Variants in LSP1 observed in about 807,000 individuals in gnomAD.
LSP1 encodes lymphocyte specific protein 1, also known as lymphocyte-specific protein 1.
In LSP1, 32 loss-of-function variants were observed where a neutral mutation model predicts 49.3. The ratio of observed to expected loss-of-function variants is 0.65; its 90% CI spans 0.49 to 0.87. The LOEUF is 0.87. Ranked by LOEUF, LSP1 falls within the 40% of genes least tolerant of loss-of-function variation. LSP1 has a pLI of 0.00. For missense variants in LSP1, 428 were observed against 442.6 expected (o/e 0.97, Z 0.30); for synonymous variants, 179 against 178.8 (o/e 1.00, Z -0.01).
intron 1 of LSP1, among the ~76,000 whole-genome samples, chr11:1,872,568 G>A (rs1281866877): frequency 7.1e-6 from 1 of 140,046 alleles, no homozygotes; most frequent in African/African-American, 2.7e-5. Flanking sequence ...GGCTGGCGTG[G>A]GCACTTTTGG....
chr11:1,888,050 C>T (rs556946917), intron 10 of LSP1, among the ~76,000 whole-genome samples: 1 of 152,294 alleles, frequency 6.6e-6, no homozygotes, highest in South Asian at 2.1e-4. Flanking sequence ...CTCCCCATCC[C>T]ATGCTGCAGA....
At chr11:1,864,547 C>T (rs1424311610) in intron 1 of LSP1, among the ~76,000 whole-genome samples, 1 of 151,972 alleles carries the variant, frequency 6.6e-6, no homozygotes, top group African/African-American at 2.4e-5. Flanking sequence ...TGGCTGAGCC[C>T]CACGCTGCTG....
chr11:1,875,736 T>C (rs1156477095), intron 1 of LSP1, among the ~76,000 whole-genome samples: 1 of 152,170 alleles, frequency 6.6e-6, no homozygotes, highest in Non-Finnish European at 1.5e-5. Flanking sequence ...GGGGGGAGGC[T>C]GGGCCAGCAC....
chr11:1,877,943 C>T (rs770446278), intron 1 of LSP1, among the ~76,000 whole-genome samples: 4 of 152,116 alleles, frequency 2.6e-5, no homozygotes, highest in Admixed American at 6.5e-5. Context: ...CCTGAGGAAA[C>T]GTGTGCACAC....
At chr11:1,867,259 C>T (rs1847823772) in intron 1 of LSP1, among the ~76,000 whole-genome samples, 6 of 152,130 alleles carry the variant, frequency 3.9e-5, no homozygotes, top group Admixed American at 3.9e-4. Flanking sequence ...CCAAGGTGAG[C>T]TACATGAAGC....
Position 1,867,203 on chromosome 11 carries a change from C to T in LSP1, c.54-12884C>T, listed in dbSNP as rs549345281. ...CCCTTGGAACTTGTCCTGATGGGGGCTGGGCAGAGGGCAGCAAGAGTCCCT... is the reference window on the plus strand; with the variant it reads ...CCCTTGGAACTTGTCCTGATGGGGGTTGGGCAGAGGGCAGCAAGAGTCCCT... On this transcript the variant is annotated intron_variant, in intron 1 of 10. Coordinates refer to ENST00000311604, the MANE Select transcript of LSP1 (RefSeq NM_002339.3). Among the ~76,000 whole-genome samples the T allele has an allele frequency of 5.9e-5, 9 of 152,270 alleles. No homozygotes were observed. The East Asian group carries it at 1.3e-3, about 23-fold the overall frequency.
chr11:1,881,479 G>T lies in LSP1; in HGVS notation c.239G>T (p.Gly80Val). 1 of 1,580,554 alleles carries T rather than the reference G, an allele frequency of 6.3e-7. No homozygotes were observed. Among genetic ancestry groups the T allele is most frequent in the Admixed American group, 1.8e-5 (1 of 55,208 alleles). Residue 80 changes from glycine to valine, a missense_variant, in exon 3 of 11, where the codon GGC becomes GTC. Transcript: ENST00000311604. ...GCCCCTGAACTGGATGAGGACGAGG[G>T]CTTTGGCGACTGGTCCCAGAGGCCA... is the stretch of plus-strand genomic sequence containing the variant. The part of the protein sequence containing the change: ...SEAPELDEDE[G>V]FGDWSQRPEQ...
intron 10 of LSP1, among the ~76,000 whole-genome samples, chr11:1,887,924 C>T (rs571715658): frequency 3.2e-4 from 49 of 152,164 alleles, no homozygotes; most frequent in Non-Finnish European, 5.0e-4. Flanking sequence ...TTGAAGGAAG[C>T]AGGTGGCATG....
chr11:1,856,150 C>T (rs1191542407), intron 1 of LSP1, among the ~76,000 whole-genome samples: 1 of 152,228 alleles, frequency 6.6e-6, no homozygotes, highest in Non-Finnish European at 1.5e-5. Context: ...CCCACAGACA[C>T]CCTGGCTGCC....
intron 1 of LSP1, among the ~76,000 whole-genome samples, chr11:1,866,055 G>C (rs995355215): frequency 6.6e-6 from 1 of 152,010 alleles, no homozygotes; most frequent in Admixed American, 6.6e-5. Flanking sequence ...AGGGCCCAAG[G>C]CTCCTCAAGA....
In LSP1 at chr11:1,884,242, G is replaced by A. The variant is rs1199667472; in HGVS notation, c.592-38G>A. The A allele has an allele frequency of 5.0e-6, 8 of 1,612,564 alleles. No homozygotes were observed. The highest frequency in any genetic ancestry group is 4.5e-5 in the East Asian group (2 of 44,882). On this transcript the variant is annotated intron_variant, in intron 5 of 10. Coordinates refer to ENST00000311604, the MANE Select transcript of LSP1 (RefSeq NM_002339.3). This position sits in a 1 kb window ranked among gnomAD's most constrained non-coding sequence, Gnocchi z 4.1. ...GGAGATGGAGGGTGGGCTTTACCTC[G>A]GCTGCTGCAGGCCTGTGTCTCTCTC...
intron 1 of LSP1, chr11:1,868,864 C>G (rs1847880914): frequency 2.0e-6 from 2 of 985,728 alleles, no homozygotes; most frequent in Admixed American, 1.2e-4. Context: ...AAGCGGCAGC[C>G]AGGGTGCCCT....
chr11:1,870,931 G>A (rs75957079), intron 1 of LSP1: 40,732 of 985,808 alleles, frequency 0.041, 947 homozygotes, highest in South Asian at 0.088. Flanking sequence ...CCCGAGGGCC[G>A]TCGAGCAAAG....
At chr11:1,875,590 A>C (rs990892800) in intron 1 of LSP1, among the ~76,000 whole-genome samples, 3 of 152,218 alleles carry the variant, frequency 2.0e-5, no homozygotes, top group Admixed American at 2.0e-4. Flanking sequence ...CCCCAGGCAG[A>C]GAGGCTAGGG....
rs1182907433 is a variant in LSP1, at chr11:1,885,790, G to A, written c.718-942G>A. 3.3e-5 allele frequency among the ~76,000 whole-genome samples: 5 copies of A among 149,340 alleles called. No individual in the cohort carries two copies. In the East Asian group the frequency reaches 8.1e-4, roughly 24 times the overall value. On this transcript the variant is annotated intron_variant, in intron 7 of 10. Transcript: ENST00000311604. The stretch of plus-strand genomic sequence containing the variant: ...ACCAGTATTCCTCCATCCAATCAGT[G>A]CTCTTCTATGCAATTAATGCCCCTC...
chr11:1,855,500 C>G (rs1263675280), intron 1 of LSP1, among the ~76,000 whole-genome samples: 3 of 152,186 alleles, frequency 2.0e-5, no homozygotes, highest in African/African-American at 7.2e-5. Flanking sequence ...ATGATGTGGC[C>G]CCTCCCCTCA....
intron 10 of LSP1, chr11:1,891,188 T>C (rs1393194917): frequency 6.5e-6 from 1 of 153,702 alleles, no homozygotes; most frequent in African/African-American, 2.4e-5. Flanking sequence ...CGCTGAGCTA[T>C]GCTAAATGGG....
intron 1 of LSP1, among the ~76,000 whole-genome samples, chr11:1,877,095 T>A (rs1447424269): frequency 2.0e-5 from 3 of 152,182 alleles, no homozygotes; most frequent in Admixed American, 6.5e-5. Context: ...GGGTCGGCCA[T>A]CCCAGAGTCC....
chr11:1,857,347 C>A (rs1165694083), intron 1 of LSP1, among the ~76,000 whole-genome samples: 11 of 152,208 alleles, frequency 7.2e-5, no homozygotes, highest in Non-Finnish European at 1.2e-4. Context: ...GCCGGTGACA[C>A]CCTGGGGTGG....
Sources: gnomAD v4.1 joint callset for allele counts (sites outside exome capture counted in the v4.1 genomes callset) on GRCh38, gnomAD v4.1.1 for gene constraint, Gnocchi (gnomAD v3.1) non-coding constraint, MANE v1.5 for transcripts, NCBI Gene and HGNC (gene_info 2026-07-23, HGNC 2026-07-21) for gene names.